The following ADAMTSL3 variants were observed in gnomAD, a reference collection of about 807,000 sequenced individuals.
ADAMTSL3 encodes ADAMTS-like protein 3.
ADAMTSL3 carries 128 observed loss-of-function variants against 201.7 expected under a neutral mutation model. The observed-to-expected ratio is 0.63, with a 90% CI of 0.55 to 0.73. The LOEUF (loss-of-function observed/expected upper bound fraction) is 0.73. Among genes scored for constraint, ADAMTSL3 ranks in the 30% least tolerant of loss-of-function variants. The pLI is 0.00. For missense variants in ADAMTSL3, 1,990 were observed against 2,119.6 expected (o/e 0.94, Z 1.20); for synonymous variants, 738 against 748.4 (o/e 0.99, Z 0.23).
chr15:83,763,681 A>G (rs2062846129), intron 3 of ADAMTSL3, among the ~76,000 whole-genome samples: 1 of 151,876 alleles, frequency 6.6e-6, no homozygotes, highest in Admixed American at 6.6e-5. Context: ...ATTTTTTTGT[A>G]TATTTAGTAG....
intron 25 of ADAMTSL3, among the ~76,000 whole-genome samples, chr15:84,018,242 TCA>T (rs375156230): frequency 2.6e-5 from 4 of 151,824 alleles, no homozygotes; most frequent in Non-Finnish European, 4.4e-5. Context: ...AAATATACAA[TCA>T]CACACACACA....
At chr15:83,823,420 A>C (rs1021010953) in intron 6 of ADAMTSL3, among the ~76,000 whole-genome samples, 1 of 152,086 alleles carries the variant, frequency 6.6e-6, no homozygotes, top group Non-Finnish European at 1.5e-5. Context: ...CTGCTTTTCA[A>C]ACTAGCTTCA....
chr15:83,829,397 C>G (rs972593529), intron 6 of ADAMTSL3, among the ~76,000 whole-genome samples: 1 of 151,708 alleles, frequency 6.6e-6, no homozygotes, highest in South Asian at 2.1e-4. Flanking sequence ...TTTTATTGCG[C>G]CTATTTGATT....
intron 23 of ADAMTSL3, among the ~76,000 whole-genome samples, chr15:84,014,223 C>T (rs536336947): frequency 1.2e-4 from 19 of 152,266 alleles, no homozygotes; most frequent in African/African-American, 4.6e-4. Context: ...TCCTTCTTTC[C>T]AACCACACTC....
At position 84,021,417 on chromosome 15, in the gene ADAMTSL3, T is replaced by C; in HGVS notation, c.4281T>C (p.Phe1427=). Residue 1427 remains phenylalanine (F), a synonymous_variant, in exon 26 of 30, where the codon TTT becomes TTC. Coordinates refer to ENST00000286744, the MANE Select transcript of ADAMTSL3 (RefSeq NM_207517.3). The part of the protein sequence containing the change: ...PTGEPPPQEP[F]WEPGNWSHCS... ...TTTGTTTTCTTTCTGCAGAGCCTTTTTGGGAGCCTGGTAACTGGTCACATT... is the reference window on the plus strand; with the variant it reads ...TTTGTTTTCTTTCTGCAGAGCCTTTCTGGGAGCCTGGTAACTGGTCACATT... 2 of 1,614,140 alleles carry C rather than the reference T, an allele frequency of 1.2e-6. No homozygotes were observed. Among genetic ancestry groups the C allele is most frequent in the Middle Eastern group, 1.6e-4 (1 of 6,062 alleles).
At chr15:83,997,565 G>A (rs945354122) in intron 23 of ADAMTSL3, among the ~76,000 whole-genome samples, 2 of 151,992 alleles carry the variant, frequency 1.3e-5, no homozygotes, top group Non-Finnish European at 2.9e-5. Context: ...CTCCAGCCCG[G>A]GCAACAAGAA....
intron 2 of ADAMTSL3, among the ~76,000 whole-genome samples, chr15:83,683,299 A>T (rs1432584328): frequency 1.3e-5 from 2 of 152,090 alleles, no homozygotes; most frequent in Non-Finnish European, 2.9e-5. Flanking sequence ...GCACTGCTCC[A>T]TGCTTTCCTC....
intron 3 of ADAMTSL3, among the ~76,000 whole-genome samples, chr15:83,751,537 C>A (rs111570619): frequency 2.6e-5 from 4 of 152,102 alleles, no homozygotes; most frequent in African/African-American, 9.6e-5. Context: ...GGTGTTGGTG[C>A]TTTTTTTCTG....
intron 19 of ADAMTSL3, among the ~76,000 whole-genome samples, chr15:83,966,980 A>C (rs2067101357): frequency 6.6e-6 from 1 of 152,108 alleles, no homozygotes; most frequent in Non-Finnish European, 1.5e-5. Flanking sequence ...AAAATTCAAC[A>C]CCCCTTCATG....
chr15:83,818,303 A>G (rs2063800213), intron 5 of ADAMTSL3, among the ~76,000 whole-genome samples: 1 of 152,160 alleles, frequency 6.6e-6, no homozygotes, highest in African/African-American at 2.4e-5. Flanking sequence ...CAAAAAAATA[A>G]TAAAATACTT....
At chr15:83,982,249 T>C in intron 20 of ADAMTSL3, 24 bp from the exon 21 acceptor site, 1 of 1,538,880 alleles carries the variant, frequency 6.5e-7, no homozygotes, top group Non-Finnish European at 8.8e-7. Flanking sequence ...TATTTTCTTT[T>C]CTTTCTTTTT....
intron 20 of ADAMTSL3, among the ~76,000 whole-genome samples, chr15:83,974,789 T>G (rs2067253637): frequency 6.6e-6 from 1 of 152,182 alleles, no homozygotes; most frequent in African/African-American, 2.4e-5. Context: ...TTATGACTTT[T>G]AGGGTTCCTG....
chr15:83,945,923 G>A (rs2066646943), intron 19 of ADAMTSL3: 1 of 152,216 alleles, frequency 6.6e-6, no homozygotes. Flanking sequence ...GGGTGAGTTA[G>A]CCCTTACATG....
intron 9 of ADAMTSL3, among the ~76,000 whole-genome samples, chr15:83,872,374 C>T (rs1321208358): frequency 1.3e-5 from 2 of 152,092 alleles, no homozygotes; most frequent in African/African-American, 2.4e-5. Context: ...TTTATAGCAT[C>T]TGCCTAGCCT....
intron 4 of ADAMTSL3, among the ~76,000 whole-genome samples, chr15:83,792,608 AC>A (rs2063361048): frequency 6.6e-6 from 1 of 152,124 alleles, no homozygotes; most frequent in South Asian, 2.1e-4. Context: ...ACATGGCAAA[AC>A]CCTGTCTCTA....
intron 2 of ADAMTSL3, among the ~76,000 whole-genome samples, chr15:83,659,520 G>C (rs1342817318): frequency 1.3e-5 from 2 of 152,198 alleles, no homozygotes; most frequent in Admixed American, 6.5e-5. Flanking sequence ...GCCTCGGGTA[G>C]ATGCCCTTTG....
intron 4 of ADAMTSL3, among the ~76,000 whole-genome samples, chr15:83,797,115 G>A (rs1443617367): frequency 6.6e-6 from 1 of 151,814 alleles, no homozygotes; most frequent in Non-Finnish European, 1.5e-5. Context: ...GCCATAGAGT[G>A]GAATAAAATC....
chr15:83,655,837 T>G lies in ADAMTSL3; in HGVS notation c.69+7T>G, dbSNP rs2061076003. 1 of 1,613,396 alleles carries G rather than the reference T, an allele frequency of 6.2e-7. No homozygotes were observed. Among genetic ancestry groups the G allele is most frequent in the African/African-American group, 1.3e-5 (1 of 74,978 alleles). On this transcript the variant is annotated splice_region_variant and intron_variant, in intron 2 of 29. Transcript: ENST00000286744. ...GCACTCTCCCCTCCCGCAGGTAAGG[T>G]CATATAGGGAGGGGAAGGGAAATGG... is the stretch of plus-strand genomic sequence containing the variant.
At chr15:83,735,193 G>A (rs975830056) in intron 3 of ADAMTSL3, among the ~76,000 whole-genome samples, 1 of 151,988 alleles carries the variant, frequency 6.6e-6, no homozygotes, top group African/African-American at 2.4e-5. Flanking sequence ...AAGAATAAAG[G>A]TATCTGATAA....
Sources: gnomAD v4.1 joint callset for allele counts (sites outside exome capture counted in the v4.1 genomes callset) on GRCh38, gnomAD v4.1.1 for gene constraint, MANE v1.5 for transcripts, NCBI Gene and HGNC (gene_info 2026-07-23, HGNC 2026-07-21) for gene names.